Variants in CERS4 observed in about 807,000 individuals in gnomAD.
The protein encoded by CERS4 is ceramide synthase 4.
In CERS4, 65 loss-of-function variants were observed where a neutral mutation model predicts 51.8. That is an observed-to-expected ratio of 1.26 (90% CI 1.03 to 1.54). The LOEUF (loss-of-function observed/expected upper bound fraction) is 1.54. Ranked by LOEUF, CERS4 falls within the 40% of genes most tolerant of loss-of-function variation. CERS4 has a pLI of 0.00. For synonymous variants in CERS4, 228 were observed against 208.4 expected, an observed-to-expected ratio of 1.09 and a Z score of -0.81; for missense variants, 563 against 500.4, an observed-to-expected ratio of 1.13 and a Z score of -1.19.
At chr19:8,236,519 A>C (rs927999089) in intron 2 of CERS4, among the ~76,000 whole-genome samples, 1 of 150,912 alleles carries the variant, frequency 6.6e-6, no homozygotes, top group African/African-American at 2.4e-5. Context: ...CTCTACAAAA[A>C]AGTACAAAAA....
chr19:8,219,016 G>A (rs1430576887), intron 2 of CERS4, among the ~76,000 whole-genome samples: 1 of 152,116 alleles, frequency 6.6e-6, no homozygotes, highest in Non-Finnish European at 1.5e-5. Context: ...AGACCAGCCT[G>A]GCCAACGTGG....
Position 8,257,768 on chromosome 19 carries a change from G to A in CERS4, c.742-111G>A, listed in dbSNP as rs142680559. The A allele has an allele frequency of 9.8e-4, 758 of 770,064 alleles. 6 individuals carry two copies. In the African/African-American group the frequency reaches 0.012, roughly 12 times the overall value. 47.7% of individuals were successfully genotyped at this position (770,064 alleles called of 1,614,324 possible). A position where few individuals can be genotyped will look rare whatever the true frequency, so the allele number is the denominator to read the frequency against. ...TTTACCTTTCCTGAAAAGGTAGGTAGTTCCTGGAAACAAGGCCCCACCCCA... is the reference window on the plus strand; with the variant it reads ...TTTACCTTTCCTGAAAAGGTAGGTAATTCCTGGAAACAAGGCCCCACCCCA... On this transcript the variant is annotated intron_variant, in intron 9 of 11. Transcript: ENST00000251363.
chr19:8,223,405 C>T (rs898531989), intron 2 of CERS4, among the ~76,000 whole-genome samples: 1 of 151,630 alleles, frequency 6.6e-6, no homozygotes, highest in African/African-American at 2.4e-5. Context: ...ATCACTTGAG[C>T]TCAGGAGTCC....
At chr19:8,245,865 G>T (rs1016679958) in intron 2 of CERS4, among the ~76,000 whole-genome samples, 6 of 127,060 alleles carry the variant, frequency 4.7e-5, no homozygotes, top group Admixed American at 9.0e-5. Context: ...ACATGGCAAG[G>T]TTATCATGAA....
At chr19:8,213,470 T>TA (rs1051729057) in intron 2 of CERS4, among the ~76,000 whole-genome samples, 2 of 151,642 alleles carry the variant, frequency 1.3e-5, no homozygotes, top group African/African-American at 2.4e-5. Context: ...AGCTAATCCT[T>TA]AAAAAAAAAT....
chr19:8,251,184 C>T lies in CERS4; in HGVS notation c.108C>T (p.Pro36=), dbSNP rs1032356613. The T allele has an allele frequency of 6.2e-7, 1 of 1,613,584 alleles. No homozygotes were observed. The highest frequency in any genetic ancestry group is 8.5e-7 in the Non-Finnish European group (1 of 1,179,816). The change falls in exon 3 of 12, where the codon CCC becomes CCT. Residue 36 remains proline, a synonymous_variant. Transcript: ENST00000251363. ...EDRDGRVYPH[P]QDLLAALPLA... is the part of the protein sequence containing the mutation. ...GGGATGGCCGTGTCTACCCCCACCC[C>T]CAGGACTTGTTGGCAGCCCTGCCCC...
In CERS4 at chr19:8,255,026, C is replaced by T. The variant is rs944403385; in HGVS notation, c.291+410C>T. ...CCTGGGGAGGAATGGAAGGTCTGAG[C>T]TGATAGGGAATGGAGTAACAGAAGC... is the stretch of plus-strand genomic sequence containing the variant. On this transcript the variant is annotated intron_variant, in intron 4 of 11. Coordinates refer to ENST00000251363, the MANE Select transcript of CERS4 (RefSeq NM_024552.3). Among the ~76,000 whole-genome samples, 8 of 152,252 alleles carry T rather than the reference C, an allele frequency of 5.3e-5. No individual in the cohort carries two copies. The Middle Eastern group carries it at 0.01, about 194-fold the overall frequency.
chr19:8,241,888 CAG>C (rs1328131243), intron 2 of CERS4, among the ~76,000 whole-genome samples: 33 of 152,256 alleles, frequency 2.2e-4, no homozygotes, highest in South Asian at 6.2e-4. Context: ...CCCAGGAAGA[CAG>C]AGGATGACAG....
intron 2 of CERS4, among the ~76,000 whole-genome samples, chr19:8,246,482 C>T (rs1037880623): frequency 5.9e-5 from 9 of 151,500 alleles, no homozygotes; most frequent in Admixed American, 2.0e-4. Flanking sequence ...CACCCGAGCC[C>T]GGGAGGTCAA....
intron 9 of CERS4, 170 bp downstream of exon 9, chr19:8,257,247 C>T (rs1969442625): frequency 7.2e-6 from 5 of 695,614 alleles, no homozygotes; most frequent in South Asian, 1.9e-5. Flanking sequence ...CTGATAAGGC[C>T]CCACCCCCTC....
chr19:8,211,514 A>C (rs1967083386), intron 2 of CERS4, among the ~76,000 whole-genome samples: 1 of 152,262 alleles, frequency 6.6e-6, no homozygotes, highest in Admixed American at 6.5e-5. Context: ...AAAGAGCTGA[A>C]CACAGTGCCT....
chr19:8,233,792 C>T (rs1463716167), intron 2 of CERS4, among the ~76,000 whole-genome samples: 4 of 151,878 alleles, frequency 2.6e-5, no homozygotes, highest in South Asian at 2.1e-4. Context: ...GCAGGTGGAT[C>T]GCTTGATTCC....
In CERS4 at chr19:8,251,125, C is replaced by T. The variant is rs1250816432; in HGVS notation, c.49C>T (p.Pro17Ser). 1.9e-6 allele frequency: 3 copies of T among 1,611,810 alleles called. No homozygotes were observed. In the Admixed American group the frequency reaches 5.0e-5, roughly 27 times the overall value. The change falls in exon 3 of 12, where the codon CCA becomes TCA. Residue 17 changes from proline to serine, a missense_variant. Physicochemically the swap from Pro to Ser is moderately conservative, Grantham distance 74. Coordinates refer to ENST00000251363, the MANE Select transcript of CERS4 (RefSeq NM_024552.3). ...EWFWQDRFWL[P>S]PNVTWTELED... ...GTTTTGGCAGGACAGGTTCTGGTTACCACCCAATGTCACGTGGACAGAGCT... is the reference window on the plus strand; with the variant it reads ...GTTTTGGCAGGACAGGTTCTGGTTATCACCCAATGTCACGTGGACAGAGCT...
intron 3 of CERS4, among the ~76,000 whole-genome samples, 155 bp from the exon 4 acceptor site, chr19:8,254,344 T>TAAAAAAAAA: frequency 3.2e-5 from 1 of 31,020 alleles, no homozygotes; most frequent in African/African-American, 7.4e-5. Flanking sequence ...AAAAAAAAAG[T>TAAAAAAAAA]CTTACACACC....
Position 8,255,824 on chromosome 19 carries a change from G to C in CERS4, c.413G>C (p.Trp138Ser), listed in dbSNP as rs769934350. ...QLTKKFCEAS[W>S]RFLFYLSSFV... is the part of the protein sequence containing the mutation. Reference sequence around the variant, plus strand: ...CACAGCTCCCTCCCCATCCACAGCTGGAGGTTTCTCTTCTACCTGTCCTCC... The same window carrying C: ...CACAGCTCCCTCCCCATCCACAGCTCGAGGTTTCTCTTCTACCTGTCCTCC... The change falls in exon 6 of 12, where the codon TGG (tryptophan) becomes TCG (serine). Residue 138 changes from tryptophan to serine, a missense_variant and splice_region_variant. Physicochemically the swap from Trp to Ser is radical, Grantham distance 177. Coordinates refer to ENST00000251363, the MANE Select transcript of CERS4 (RefSeq NM_024552.3). The C allele has an allele frequency of 4.3e-6, 7 of 1,613,864 alleles. No individual in the cohort carries two copies. Among genetic ancestry groups the C allele is most frequent in the South Asian group, 1.1e-5 (1 of 91,086 alleles).
At chr19:8,225,393 G>A (rs1203225206) in intron 2 of CERS4, among the ~76,000 whole-genome samples, 2 of 151,060 alleles carry the variant, frequency 1.3e-5, no homozygotes, top group African/African-American at 4.9e-5. Flanking sequence ...GAAGCAGGAA[G>A]GCAAGTCCTG....
At chr19:8,242,711 C>T (rs547798280) in intron 2 of CERS4, among the ~76,000 whole-genome samples, 2 of 152,162 alleles carry the variant, frequency 1.3e-5, no homozygotes, top group East Asian at 3.9e-4. Context: ...GTCTTCAGCA[C>T]CCAAATACTA....
intron 2 of CERS4, among the ~76,000 whole-genome samples, chr19:8,231,957 A>C (rs1329610420): frequency 6.8e-6 from 1 of 146,174 alleles, no homozygotes; most frequent in Non-Finnish European, 1.5e-5. Context: ...CCTCCTGAGT[A>C]GCTGGGACTA....
chr19:8,256,540 G>A (rs1166032385), intron 7 of CERS4, 78 bp from the exon 8 acceptor site: 19 of 1,347,130 alleles, frequency 1.4e-5, no homozygotes, highest in African/African-American at 5.8e-5. Context: ...TTGAGCAAAC[G>A]GAGTGGGCCC....
Sources: allele counts gnomAD v4.1 joint callset (sites outside exome capture counted in the v4.1 genomes callset), GRCh38; gene constraint gnomAD v4.1.1; transcripts MANE v1.5; gene names NCBI Gene and HGNC (gene_info 2026-07-23, HGNC 2026-07-21).